Variants in KCNN2 observed in about 807,000 individuals in gnomAD.
KCNN2 encodes small conductance calcium-activated potassium channel protein 2.
A neutral mutation model predicts 55.5 loss-of-function variants in KCNN2; 24 were observed. The ratio of observed to expected loss-of-function variants is 0.43; its 90% confidence interval spans 0.31 to 0.61. The LOEUF is 0.61. Among genes scored for constraint, KCNN2 ranks in the 20% least tolerant of loss-of-function variants. The pLI is 0.08. For synonymous variants in KCNN2, 431 were observed against 336.1 expected (o/e 1.28, Z -3.09); for missense variants, 754 against 853.6 (o/e 0.88, Z 1.45).
intron 2 of KCNN2, among the ~76,000 whole-genome samples, chr5:114,397,482 G>A (rs1324406102): frequency 1.3e-5 from 2 of 152,118 alleles, no homozygotes. Flanking sequence ...TGCTTCCTGG[G>A]TTCAAGTGAT....
intron 2 of KCNN2, among the ~76,000 whole-genome samples, chr5:114,287,858 C>T (rs1303650369): frequency 6.6e-6 from 1 of 151,456 alleles, no homozygotes; most frequent in Admixed American, 6.6e-5. Context: ...ACAAGTTTTC[C>T]TATGCTGTGT....
At chr5:114,318,279 C>G (rs1341580011) in intron 2 of KCNN2, among the ~76,000 whole-genome samples, 1 of 152,124 alleles carries the variant, frequency 6.6e-6, no homozygotes, top group Non-Finnish European at 1.5e-5. Context: ...CAGATTTTAC[C>G]CATACTTTAT....
intron 5 of KCNN2, among the ~76,000 whole-genome samples, chr5:114,476,657 G>A (rs1761981648): frequency 6.6e-6 from 1 of 152,082 alleles, no homozygotes; most frequent in South Asian, 2.1e-4. Context: ...CCGACCTCAG[G>A]TGATCCGCCT....
At chr5:114,203,486 G>A (rs1409768758) in intron 1 of KCNN2, among the ~76,000 whole-genome samples, 1 of 152,060 alleles carries the variant, frequency 6.6e-6, no homozygotes, top group Non-Finnish European at 1.5e-5. Flanking sequence ...CTTCTCTGAG[G>A]CTAATTGGTA....
intron 1 of KCNN2, chr5:114,056,578 A>G (rs901708300): frequency 3.3e-5 from 13 of 395,398 alleles, no homozygotes; most frequent in African/African-American, 2.7e-4. Flanking sequence ...AGGATACTAA[A>G]GTGAAGTTTG....
intron 5 of KCNN2, among the ~76,000 whole-genome samples, chr5:114,477,636 A>G (rs13357700): frequency 0.26 from 39,615 of 152,060 alleles, 6,019 homozygotes; most frequent in East Asian, 0.61. Context: ...ATCACCTTAC[A>G]GGGGCAATAT....
intron 2 of KCNN2, among the ~76,000 whole-genome samples, chr5:114,259,593 C>T (rs1755058928): frequency 6.6e-6 from 1 of 151,974 alleles, no homozygotes; most frequent in South Asian, 2.1e-4. Context: ...ACGTTGTGCA[C>T]ATGTACCGTA....
chr5:114,211,815 A>G (rs182156665), intron 1 of KCNN2, among the ~76,000 whole-genome samples: 2 of 152,056 alleles, frequency 1.3e-5, no homozygotes. Context: ...TATCCTTACT[A>G]CTTGTAGAAA....
At chr5:114,158,144 A>C (rs79909859) in intron 1 of KCNN2, among the ~76,000 whole-genome samples, 4 of 150,772 alleles carry the variant, frequency 2.7e-5, no homozygotes, top group African/African-American at 7.3e-5. Context: ...TAGGTCTAAC[A>C]TGTAAGTCTT....
intron 1 of KCNN2, among the ~76,000 whole-genome samples, chr5:114,162,443 G>A (rs968887301): frequency 2.6e-5 from 4 of 152,210 alleles, no homozygotes; most frequent in African/African-American, 9.6e-5. Flanking sequence ...AGGCTACTCA[G>A]GGGTCAGGGA....
intron 2 of KCNN2, among the ~76,000 whole-genome samples, chr5:114,345,759 C>T (rs1353892020): frequency 6.6e-6 from 1 of 152,036 alleles, no homozygotes; most frequent in Non-Finnish European, 1.5e-5. Context: ...TGCTTGGCTT[C>T]TGGGGAGGCC....
chr5:114,083,767 G>A (rs1455393264), intron 1 of KCNN2, among the ~76,000 whole-genome samples: 2 of 152,002 alleles, frequency 1.3e-5, no homozygotes, highest in African/African-American at 4.8e-5. Flanking sequence ...AAAGCATAAT[G>A]TCATTAATCC....
Position 114,070,322 on chromosome 5 carries a change from T to C in KCNN2, c.-271+13822T>C, listed in dbSNP as rs145386004. Among the ~76,000 whole-genome samples, 116 of 152,378 alleles carry C rather than the reference T, an allele frequency of 7.6e-4. 2 individuals are homozygous for C. Among genetic ancestry groups the C allele is most frequent in the African/African-American group, 2.8e-3 (115 of 41,592 alleles). On this transcript the variant is annotated intron_variant, in intron 1 of 10. Coordinates refer to the KCNN2 transcript ENST00000512097. ...GACCCCTGCTGCTCCCCAGCATTCT[T>C]TCACTGCCCAACTAGCATGTTTTTG...
rs77585380 is a variant in KCNN2, at chr5:114,314,782, C to A, written c.-184-46163C>A. On this transcript the variant is annotated intron_variant, in intron 2 of 10. Coordinates refer to the KCNN2 transcript ENST00000512097. ...AGGCCCACTCACTTGCCAAGTGACT[C>A]CTTCTTGCACATTACACTTTGAAGC... Among the ~76,000 whole-genome samples, 936 of 152,210 alleles carry A rather than the reference C, an allele frequency of 6.1e-3. 7 individuals are homozygous for A. The highest frequency in any genetic ancestry group is 0.021 in the African/African-American group (890 of 41,556).
At chr5:114,495,302 C>G (rs1418069180) in intron 7 of KCNN2, among the ~76,000 whole-genome samples, 1 of 152,100 alleles carries the variant, frequency 6.6e-6, no homozygotes, top group East Asian at 1.9e-4. Context: ...TCCATTTGAC[C>G]CAATGGAGAG....
intron 2 of KCNN2, among the ~76,000 whole-genome samples, chr5:114,296,484 A>C (rs909138170): frequency 1.3e-5 from 2 of 152,382 alleles, no homozygotes; most frequent in Admixed American, 6.5e-5. Context: ...AGGCTTAATT[A>C]GTATTTGTGA....
At chr5:114,228,894 G>C (rs956254034) in intron 2 of KCNN2, among the ~76,000 whole-genome samples, 6 of 151,866 alleles carry the variant, frequency 4.0e-5, no homozygotes, top group Non-Finnish European at 8.8e-5. Context: ...AAAAATAAAA[G>C]ACAATTATAG....
intron 2 of KCNN2, among the ~76,000 whole-genome samples, chr5:114,233,628 C>T (rs11741045): frequency 0.78 from 118,693 of 151,666 alleles, 46,994 homozygotes; most frequent in East Asian, 0.9. Flanking sequence ...TATTGTTTTG[C>T]ACTTTTATTC....
At chr5:114,229,870 A>G (rs1754320539) in intron 2 of KCNN2, among the ~76,000 whole-genome samples, 1 of 152,154 alleles carries the variant, frequency 6.6e-6, no homozygotes. Context: ...ATGGAAGGAG[A>G]GGCTGAAACA....
Sources: allele counts gnomAD v4.1 joint callset (sites outside exome capture counted in the v4.1 genomes callset), GRCh38; gene constraint gnomAD v4.1.1; transcripts MANE v1.5; gene names NCBI Gene and HGNC (gene_info 2026-07-23, HGNC 2026-07-21).